CDK13: variants seen among roughly 807,000 people sequenced by gnomAD.
CDK13 encodes cyclin-dependent kinase 13.
In CDK13, 40 loss-of-function variants were observed where a neutral mutation model predicts 137.6. The observed-to-expected ratio is 0.29, with a 90% CI of 0.23 to 0.38. The LOEUF is 0.38. Ranked by LOEUF, CDK13 falls within the 10% of genes least tolerant of loss-of-function variation. CDK13 has a pLI of 1.00. For missense variants in CDK13, 1,704 were observed against 1,951.8 expected (o/e 0.87, Z 2.39); for synonymous variants, 869 against 760.1 (o/e 1.14, Z -2.36).
intron 1 of CDK13, 62 bp downstream of exon 1, chr7:39,951,914 G>A: frequency 1.5e-6 from 2 of 1,314,246 alleles, no homozygotes; most frequent in Admixed American, 3.0e-5. Context: ...CCAGGAGGAA[G>A]GGAAAGTGGT....
chr7:39,978,203 A>G (rs1420891352), intron 1 of CDK13, among the ~76,000 whole-genome samples: 1 of 152,102 alleles, frequency 6.6e-6, no homozygotes, highest in Non-Finnish European at 1.5e-5. Context: ...AGGAAGAAAA[A>G]CCTCAAGGTG....
Position 39,996,368 on chromosome 7 carries a change from A to G in CDK13, c.1872-1126A>G, listed in dbSNP as rs369884833. Among the ~76,000 whole-genome samples the G allele has an allele frequency of 6.6e-5, 10 of 152,208 alleles. No homozygotes were observed. The East Asian group carries it at 9.6e-4, about 15-fold the overall frequency. On this transcript the variant is annotated intron_variant, in intron 2 of 13. Transcript: ENST00000181839. ...TTATGAGATTCTCTTTCAACATGTC[A>G]CATTATATTAGATGACAGACTTTGT...
intron 5 of CDK13, among the ~76,000 whole-genome samples, chr7:40,003,354 G>C (rs773394): frequency 0.99 from 151,220 of 152,294 alleles, 75,084 homozygotes; most frequent in East Asian, 1. Flanking sequence ...ACTTCTGTTA[G>C]TTTTTGTCCC....
rs1395437199 is a variant in CDK13 at position 40,099,074 on chromosome 7, A to G, written c.*4094A>G. 5 of 151,774 alleles carry G rather than the reference A, an allele frequency of 3.3e-5. No individual in the cohort carries two copies. The highest frequency in any genetic ancestry group is 7.4e-5 in the Non-Finnish European group (5 of 67,886). 9.4% of individuals were successfully genotyped at this position (151,774 alleles called of 1,614,324 possible). A position where few individuals can be genotyped will look rare whatever the true frequency, so the allele number is the denominator to read the frequency against. On this transcript the variant is annotated 3_prime_UTR_variant, in exon 14 of 14. Transcript: ENST00000181839. Reference sequence around the variant, plus strand: ...CTATTGATTTGGAACTTTAAAAAAAAAAACAACAAAAAAATACTTTCAGGG... The same window carrying G: ...CTATTGATTTGGAACTTTAAAAAAAGAAACAACAAAAAAATACTTTCAGGG...
At chr7:39,958,805 G>A (rs933907437) in intron 1 of CDK13, among the ~76,000 whole-genome samples, 1 of 152,040 alleles carries the variant, frequency 6.6e-6, no homozygotes, top group African/African-American at 2.4e-5. Context: ...TGAGGCAAAG[G>A]TGGTATATAC....
Position 39,987,829 on chromosome 7 carries a change from A to T in CDK13, c.1442A>T (p.Glu481Val). The change falls in exon 2 of 14, where the codon GAG becomes GTG. Residue 481 changes from glutamate (E) to valine (V), a missense_variant. Physicochemically the swap from Glu to Val is moderately radical, Grantham distance 121 (BLOSUM62 -2). This residue lies in a region of CDK13 where 1,051 missense variants were observed against 931.0 expected (regional missense o/e 1.13). Transcript: ENST00000181839. The part of the protein sequence containing the change: ...AKAAEATKAA[E>V]AAAKAAKASN... ...GCTGCAGAAGCAACTAAGGCTGCTG[A>T]GGCTGCTGCCAAGGCTGCAAAAGCT... 1 of 1,614,182 alleles carries T rather than the reference A, an allele frequency of 6.2e-7. No homozygotes were observed. Among genetic ancestry groups the T allele is most frequent in the Non-Finnish European group, 8.5e-7 (1 of 1,180,020 alleles).
chr7:40,093,622 C>T (rs984810070), intron 13 of CDK13, among the ~76,000 whole-genome samples: 15 of 152,142 alleles, frequency 9.9e-5, no homozygotes, highest in Admixed American at 3.9e-4. Context: ...AAGCCAATTA[C>T]GGCTGGGTGC....
intron 5 of CDK13, among the ~76,000 whole-genome samples, chr7:40,020,933 A>T (rs1190523926): frequency 1.3e-5 from 2 of 152,092 alleles, no homozygotes; most frequent in African/African-American, 4.8e-5. Flanking sequence ...TCTACCAAAA[A>T]TACAAAAATT....
intron 11 of CDK13, among the ~76,000 whole-genome samples, chr7:40,086,654 G>A (rs1299807029): frequency 6.6e-6 from 1 of 152,094 alleles, no homozygotes; most frequent in African/African-American, 2.4e-5. Context: ...CAACTCTGTT[G>A]ATAAATGATG....
chr7:39,980,719 TG>T (rs1784206546), intron 1 of CDK13, among the ~76,000 whole-genome samples: 1 of 152,232 alleles, frequency 6.6e-6, no homozygotes, highest in Non-Finnish European at 1.5e-5. Context: ...AGTGGAGGAC[TG>T]GATATTATCA....
At chr7:39,995,367 G>A (rs550225635) in intron 2 of CDK13, among the ~76,000 whole-genome samples, 8 of 152,250 alleles carry the variant, frequency 5.3e-5, no homozygotes, top group Non-Finnish European at 8.8e-5. Context: ...CTCATTACAA[G>A]TTAGAGACTA....
At chr7:40,083,096 C>G (rs1309767454) in intron 11 of CDK13, among the ~76,000 whole-genome samples, 5 of 123,900 alleles carry the variant, frequency 4.0e-5, no homozygotes, top group Admixed American at 8.5e-5. Flanking sequence ...GAGTGAGACT[C>G]TGTCTCCAAA....
Position 40,094,583 on chromosome 7 carries a change from G to A in CDK13, c.4142G>A (p.Ser1381Asn). Residue 1381 changes from serine to asparagine, a missense_variant, in exon 14 of 14, where the codon AGT (serine) becomes AAT (asparagine). By Grantham distance (46) the Ser-to-Asn change is conservative. Coordinates refer to ENST00000181839, the MANE Select transcript of CDK13 (RefSeq NM_003718.5). The stretch of plus-strand genomic sequence containing the variant: ...GATATTCAGTCTTTGGATAACTACA[G>A]TACTGCTTCATCTCATTCTGGTGGT... ...NSDIQSLDNY[S>N]TASSHSGGPP... 1.2e-6 allele frequency: 2 copies of A among 1,613,346 alleles called. No individual in the cohort carries two copies. Among genetic ancestry groups the A allele is most frequent in the Non-Finnish European group, 1.7e-6 (2 of 1,179,640 alleles).
rs1486068010 is a variant in CDK13, at chr7:40,077,986, C to G, written c.2781-19C>G. Reference sequence around the variant, plus strand: ...TTATGTAGTTGATAGTGATGTACTTCCTTTTGTGTGTTGCTTAGCCGAATA... The same window carrying G: ...TTATGTAGTTGATAGTGATGTACTTGCTTTTGTGTGTTGCTTAGCCGAATA... On this transcript the variant is annotated intron_variant, in intron 9 of 13. Coordinates refer to ENST00000181839, the MANE Select transcript of CDK13 (RefSeq NM_003718.5). 8.4e-7 allele frequency: 1 copy of G among 1,184,896 alleles called. No homozygotes were observed. 73.4% of individuals were successfully genotyped at this position (1,184,896 alleles called of 1,614,324 possible). A position where few individuals can be genotyped will look rare whatever the true frequency, so the allele number is the denominator to read the frequency against.
chr7:40,027,655 CTTTTTTTTTTTTT>C (rs761581418), intron 5 of CDK13, among the ~76,000 whole-genome samples: 2 of 89,714 alleles, frequency 2.2e-5, no homozygotes, highest in African/African-American at 5.3e-5. Context: ...CACCCTTGGG[CTTTTTTTTTTTTT>C]TTTTTTTTTT....
chr7:40,049,496 G>A (rs1393957334), intron 7 of CDK13, among the ~76,000 whole-genome samples: 1 of 151,944 alleles, frequency 6.6e-6, no homozygotes, highest in Non-Finnish European at 1.5e-5. Flanking sequence ...CCCAGAAAGG[G>A]CTGAGTTAGT....
chr7:40,002,230 T>G (rs1784698627), intron 5 of CDK13, 199 bp downstream of exon 5: 5 of 411,572 alleles, frequency 1.2e-5, no homozygotes, highest in East Asian at 4.2e-5. Flanking sequence ...GTAAAGGGTA[T>G]TTGCCAATAT....
intron 5 of CDK13, among the ~76,000 whole-genome samples, chr7:40,013,124 A>G (rs182570566): frequency 1.7e-4 from 26 of 152,302 alleles, no homozygotes; most frequent in African/African-American, 6.0e-4. Flanking sequence ...ACATAGATAT[A>G]TCTTCAGGAC....
chr7:39,952,101 G>T (rs1192615892), intron 1 of CDK13: 1 of 383,800 alleles, frequency 2.6e-6, no homozygotes, highest in Non-Finnish European at 4.6e-6. Context: ...TTCTAAGGAA[G>T]AATTAAAAGT....
Sources: gnomAD v4.1 joint callset for allele counts (sites outside exome capture counted in the v4.1 genomes callset) on GRCh38, gnomAD v4.1.1 for gene constraint, gnomAD v4.1.1 regional missense constraint, MANE v1.5 for transcripts, NCBI Gene and HGNC (gene_info 2026-07-23, HGNC 2026-07-21) for gene names.